Variants in GTF2A1 observed in about 807,000 individuals in gnomAD.
GTF2A1 encodes the protein general transcription factor IIA subunit 1, also known as transcription initiation factor IIA subunit 1.
GTF2A1 carries 12 observed loss-of-function variants against 54.1 expected under a neutral mutation model. That is an observed-to-expected ratio of 0.22 (90% CI 0.14 to 0.36). The LOEUF (loss-of-function observed/expected upper bound fraction) is 0.36. Ranked by LOEUF, GTF2A1 falls within the 10% of genes least tolerant of loss-of-function variation. The pLI, the probability that GTF2A1 is intolerant of heterozygous loss-of-function variation, is 1.00. For synonymous variants in GTF2A1, 145 were observed against 152.0 expected, an observed-to-expected ratio of 0.95 and a Z score of 0.34; for missense variants, 335 against 442.2, an observed-to-expected ratio of 0.76 and a Z score of 2.17.
intron 7 of GTF2A1, among the ~76,000 whole-genome samples, chr14:81,189,633 T>C (rs1892830657): frequency 6.6e-6 from 1 of 151,888 alleles, no homozygotes; most frequent in African/African-American, 2.4e-5. Context: ...ATAGTGCCAC[T>C]GCACTCCAGC....
At chr14:81,218,575 T>A (rs1893537843) in intron 1 of GTF2A1, among the ~76,000 whole-genome samples, 1 of 152,182 alleles carries the variant, frequency 6.6e-6, no homozygotes, top group Admixed American at 6.5e-5. Context: ...AGGCAAAGTT[T>A]CTTTCACGAA....
Position 81,179,945 on chromosome 14 carries a change from C to T in GTF2A1, c.*278G>A. On this transcript the variant is annotated 3_prime_UTR_variant, in exon 9 of 9. Transcript: ENST00000553612. ...AGACAAAGCTTTACATGCTAATTAC[C>T]GGTGGCAGGTACCTGTATTTAAAAT... 4.6e-6 allele frequency: 1 copy of T among 217,238 alleles called. No homozygotes were observed. The highest frequency in any genetic ancestry group is 9.4e-5 in the East Asian group (1 of 10,668). 13.5% of individuals were successfully genotyped at this position (217,238 alleles called of 1,614,324 possible).
Position 81,185,740 on chromosome 14 carries a change from TGAATTTA to T in GTF2A1, c.934-127_934-121del, listed in dbSNP as rs577555227. Reference sequence around the variant, plus strand: ...ATGCCAAATGCATATATGTACGCCATGAATTTAATATTGTCAAATCAGCTGTTAACAG... The same window carrying T: ...ATGCCAAATGCATATATGTACGCCATATATTGTCAAATCAGCTGTTAACAG... On this transcript the variant is annotated intron_variant, in intron 7 of 8. Transcript: ENST00000553612. 6 of 508,456 alleles carry T rather than the reference TGAATTTA, an allele frequency of 1.2e-5. No individual in the cohort carries two copies. In the South Asian group the frequency reaches 2.0e-4, roughly 17 times the overall value. 31.5% of individuals were successfully genotyped at this position (508,456 alleles called of 1,614,324 possible).
chr14:81,201,716 A>C (rs1445932633), intron 3 of GTF2A1, 58 bp from the exon 4 acceptor site: 1 of 1,134,370 alleles, frequency 8.8e-7, no homozygotes, highest in South Asian at 1.2e-5. Context: ...TTATAATCAC[A>C]AGAACACTTT....
chr14:81,199,242 A>G (rs1893053889), intron 4 of GTF2A1, among the ~76,000 whole-genome samples: 1 of 152,194 alleles, frequency 6.6e-6, no homozygotes, highest in South Asian at 2.1e-4. Context: ...CCCAATAACT[A>G]CCTGCACACC....
At chr14:81,213,300 A>G (rs934990076) in intron 2 of GTF2A1, among the ~76,000 whole-genome samples, 6 of 138,876 alleles carry the variant, frequency 4.3e-5, no homozygotes, top group African/African-American at 1.4e-4. Flanking sequence ...AAAGTCATAT[A>G]TAACAAAAAT....
intron 2 of GTF2A1, chr14:81,210,050 A>G (rs1893328522): frequency 7.6e-6 from 1 of 131,588 alleles, no homozygotes; most frequent in African/African-American, 2.9e-5. Context: ...ATGGTCCCAC[A>G]AGAAATATGC....
chr14:81,209,834 C>T, intron 2 of GTF2A1: 1 of 839,848 alleles, frequency 1.2e-6, no homozygotes, highest in Non-Finnish European at 1.7e-6. Flanking sequence ...CACTCACTGC[C>T]TCCATGCATA....
chr14:81,213,955 G>T (rs1893429991), intron 2 of GTF2A1, among the ~76,000 whole-genome samples: 1 of 150,952 alleles, frequency 6.6e-6, no homozygotes, highest in African/African-American at 2.4e-5. Flanking sequence ...CCATTCTCCT[G>T]CCTCAGCCTC....
chr14:81,202,546 G>T, intron 3 of GTF2A1: 1 of 424,780 alleles, frequency 2.4e-6, no homozygotes, highest in South Asian at 1.7e-5. Flanking sequence ...GTGCTATGCT[G>T]ATCAGGTGTC....
At chr14:81,195,562 G>C in intron 6 of GTF2A1, among the ~76,000 whole-genome samples, 1 of 147,538 alleles carries the variant, frequency 6.8e-6, no homozygotes, top group Non-Finnish European at 1.5e-5. Context: ...AACCCAGCAA[G>C]CAGAGGTTGC....
intron 2 of GTF2A1, 38 bp from the exon 3 acceptor site, chr14:81,204,142 T>C: frequency 7.4e-7 from 1 of 1,352,072 alleles, no homozygotes; most frequent in Non-Finnish European, 1.1e-6. Context: ...AAGTGAAAAA[T>C]AACTCTGGAC....
intron 7 of GTF2A1, among the ~76,000 whole-genome samples, chr14:81,189,405 C>T (rs989788727): frequency 1.3e-5 from 2 of 152,212 alleles, no homozygotes; most frequent in Non-Finnish European, 2.9e-5. Context: ...GGCGCGGTGG[C>T]TCATGCCTAT....
chr14:81,211,042 C>T (rs933967737), intron 2 of GTF2A1, among the ~76,000 whole-genome samples: 10 of 152,166 alleles, frequency 6.6e-5, no homozygotes, highest in African/African-American at 2.2e-4. Flanking sequence ...CATGTACAAA[C>T]TAGTTTTTTC....
chr14:81,199,896 AG>A (rs1381758427), intron 4 of GTF2A1, among the ~76,000 whole-genome samples: 2 of 152,114 alleles, frequency 1.3e-5, no homozygotes, highest in African/African-American at 4.8e-5. Context: ...GTTATTCCCT[AG>A]GATATAGTCT....
intron 2 of GTF2A1, chr14:81,204,329 CTTTTTT>C: frequency 1.5e-6 from 1 of 669,458 alleles, no homozygotes; most frequent in East Asian, 2.8e-5. Flanking sequence ...GATTTTGTTT[CTTTTTT>C]TTATCTTCCA....
At chr14:81,187,372 T>A (rs968406373) in intron 7 of GTF2A1, among the ~76,000 whole-genome samples, 9 of 146,536 alleles carry the variant, frequency 6.1e-5, no homozygotes, top group African/African-American at 1.8e-4. Flanking sequence ...AAAAAAAAAA[T>A]CTCTGAGGTA....
At chr14:81,207,597 A>G (rs1893267621) in intron 2 of GTF2A1, among the ~76,000 whole-genome samples, 1 of 152,238 alleles carries the variant, frequency 6.6e-6, no homozygotes, top group Admixed American at 6.5e-5. Flanking sequence ...ACTGTGTAAC[A>G]GGCAGAGGCT....
chr14:81,217,482 T>G (rs1893511852), intron 1 of GTF2A1, among the ~76,000 whole-genome samples: 1 of 152,176 alleles, frequency 6.6e-6, no homozygotes, highest in Non-Finnish European at 1.5e-5. Context: ...TATCAGAGGG[T>G]TATGGTTAAC....
Sources: gnomAD v4.1 joint callset for allele counts (sites outside exome capture counted in the v4.1 genomes callset) on GRCh38, gnomAD v4.1.1 for gene constraint, MANE v1.5 for transcripts, NCBI Gene and HGNC (gene_info 2026-07-23, HGNC 2026-07-21) for gene names.